CATSPERD: variants seen among roughly 807,000 people sequenced by gnomAD.
CATSPERD encodes the protein catsper channel auxiliary subunit delta.
A neutral mutation model predicts 98.1 loss-of-function variants in CATSPERD; 86 were observed. The ratio of observed to expected loss-of-function variants is 0.88; its 90% confidence interval spans 0.74 to 1.05. CATSPERD has a LOEUF of 1.05. Ranked by LOEUF, CATSPERD falls within the 50% of genes least tolerant of loss-of-function variation. The probability of loss-of-function intolerance (pLI) is 0.00; values close to 1 mark genes in which losing one functional copy is unlikely to be tolerated. For missense variants in CATSPERD, 995 were observed against 1,005.7 expected, an observed-to-expected ratio of 0.99 and a Z score of 0.14; for synonymous variants, 394 against 390.2, an observed-to-expected ratio of 1.01 and a Z score of -0.12.
chr19:5,748,728 C>CTT (rs527796326), intron 10 of CATSPERD, among the ~76,000 whole-genome samples: 65,105 of 94,072 alleles, frequency 0.69, 23,685 homozygotes, highest in East Asian at 0.8. Flanking sequence ...TCATATTATT[C>CTT]TTTTTTTTTT....
chr19:5,723,702 G>T (rs1476516260), intron 1 of CATSPERD, among the ~76,000 whole-genome samples: 4 of 151,694 alleles, frequency 2.6e-5, no homozygotes, highest in Non-Finnish European at 4.4e-5. Context: ...CTGACTTCGT[G>T]ATCCACCCGC....
At chr19:5,771,330 C>A (rs530777390) in intron 19 of CATSPERD, among the ~76,000 whole-genome samples, 1 of 152,304 alleles carries the variant, frequency 6.6e-6, no homozygotes, top group South Asian at 2.1e-4. Context: ...CTCACTGCAG[C>A]CTCTGTCCCT....
intron 15 of CATSPERD, among the ~76,000 whole-genome samples, chr19:5,760,551 C>T (rs2056414894): frequency 1.4e-5 from 2 of 144,646 alleles, no homozygotes; most frequent in Admixed American, 1.4e-4. Flanking sequence ...GTCTGAGTCA[C>T]AGAGACAGGA....
rs772577885 is a variant in CATSPERD, at chr19:5,778,548, A to G, written c.2269A>G (p.Lys757Glu). 2.2e-5 allele frequency: 36 copies of G among 1,613,822 alleles called. No individual in the cohort carries two copies. The highest frequency in any genetic ancestry group is 8.3e-5 in the Admixed American group (5 of 59,982). Residue 757 changes from lysine (K) to glutamate (E), a missense_variant, in exon 22 of 22, where the codon AAG (lysine) becomes GAG (glutamate). Lys to Glu is a moderately conservative substitution (Grantham distance 56). Coordinates refer to ENST00000381624, the MANE Select transcript of CATSPERD (RefSeq NM_152784.4). ...LRTARGRRIK[K>E]CATQLCRRCK... ...CACAGCACGCGGCCGCAGGATCAAG[A>G]AGTGTGCGACACAGCTGTGTAGGAG...
intron 13 of CATSPERD, among the ~76,000 whole-genome samples, chr19:5,756,753 T>A (rs919787532): frequency 6.6e-6 from 1 of 151,918 alleles, no homozygotes; most frequent in East Asian, 1.9e-4. Context: ...GAGACCAGCC[T>A]GTGCAACATG....
chr19:5,775,184 G>A (rs2056718300), intron 20 of CATSPERD: 7 of 467,850 alleles, frequency 1.5e-5, no homozygotes, highest in Admixed American at 7.2e-5. Context: ...TGAGACCTTC[G>A]TTACAAGACT....
At chr19:5,758,191 T>C (rs1227038696) in intron 14 of CATSPERD, among the ~76,000 whole-genome samples, 1 of 151,896 alleles carries the variant, frequency 6.6e-6, no homozygotes, top group African/African-American at 2.4e-5. Context: ...GTTAGTTGGG[T>C]AAACTGAGGC....
At chr19:5,764,690 C>T (rs141944468) in intron 16 of CATSPERD, among the ~76,000 whole-genome samples, 2,775 of 151,820 alleles carry the variant, frequency 0.018, 73 homozygotes, top group African/African-American at 0.064. Flanking sequence ...AATCTTGGCT[C>T]ACTGTAACCT....
chr19:5,763,874 G>C (rs945726977), intron 16 of CATSPERD, among the ~76,000 whole-genome samples: 1 of 26,138 alleles, frequency 3.8e-5, no homozygotes, highest in African/African-American at 1.0e-4. Context: ...TTGACATGGA[G>C]TCTTACTCTG....
At chr19:5,772,129 C>G (rs1178160457) in intron 19 of CATSPERD, 2 of 400,810 alleles carry the variant, frequency 5.0e-6, no homozygotes, top group Non-Finnish European at 9.7e-6. Flanking sequence ...TTCATTGCAG[C>G]CTTAACCTCC....
At chr19:5,737,305 A>C (rs986182773) in intron 6 of CATSPERD, 100 bp downstream of exon 6, 31 of 771,072 alleles carry the variant, frequency 4.0e-5, no homozygotes, top group Non-Finnish European at 6.1e-5. Context: ...TCATACCTGT[A>C]ATCCCAGCAC....
chr19:5,754,894 G>A (rs2056296973), intron 13 of CATSPERD, among the ~76,000 whole-genome samples: 1 of 150,522 alleles, frequency 6.6e-6, no homozygotes, highest in Non-Finnish European at 1.5e-5. Flanking sequence ...GCCCAGGCTG[G>A]AGTGCAATGG....
chr19:5,735,720 A>G (rs12971755), intron 5 of CATSPERD, among the ~76,000 whole-genome samples: 119,460 of 149,926 alleles, frequency 0.8, 47,642 homozygotes, highest in East Asian at 0.88. Flanking sequence ...TGATCCTGTC[A>G]CCTCGGCCTC....
intron 4 of CATSPERD, among the ~76,000 whole-genome samples, chr19:5,731,560 G>GTTGTTTTTTTT (rs752356720): frequency 1.3e-5 from 1 of 75,724 alleles, no homozygotes; most frequent in Admixed American, 2.3e-4. Context: ...ACACTTAACA[G>GTTGTTTTTTTT]TTTTTTTTTT....
chr19:5,768,852 C>T (rs1452689484), intron 18 of CATSPERD, among the ~76,000 whole-genome samples: 1 of 151,934 alleles, frequency 6.6e-6, no homozygotes. Context: ...AAAAGACTAC[C>T]TGAGGCTGGG....
At chr19:5,726,596 G>T (rs532728707) in intron 2 of CATSPERD, among the ~76,000 whole-genome samples, 1 of 150,444 alleles carries the variant, frequency 6.6e-6, no homozygotes, top group African/African-American at 2.4e-5. Context: ...TGCTTAGGCT[G>T]GTCTCGAACT....
chr19:5,748,734 T>C, intron 10 of CATSPERD, among the ~76,000 whole-genome samples: 1 of 139,660 alleles, frequency 7.2e-6, no homozygotes, highest in Non-Finnish European at 1.6e-5. Context: ...TATTCTTTTT[T>C]TTTTTTTTTT....
intron 6 of CATSPERD, among the ~76,000 whole-genome samples, chr19:5,737,431 A>G (rs1397582947): frequency 6.6e-6 from 1 of 150,768 alleles, no homozygotes. Context: ...GTGTGGTGAC[A>G]TGTGCCTGTA....
chr19:5,743,667 CCTCTCTCTCTCTCTTCCTCTCTCTCTCT>C (rs1345336629), intron 7 of CATSPERD, among the ~76,000 whole-genome samples: 1 of 129,170 alleles, frequency 7.7e-6, no homozygotes, highest in African/African-American at 2.9e-5. Context: ...TCTCTCTCTT[CCTCTCTCTCTCTCTTCCTCTCTCTCTCT>C]CTCTCTCTCT....
Sources: gnomAD v4.1 joint callset for allele counts (sites outside exome capture counted in the v4.1 genomes callset) on GRCh38, gnomAD v4.1.1 for gene constraint, MANE v1.5 for transcripts, NCBI Gene and HGNC (gene_info 2026-07-23, HGNC 2026-07-21) for gene names.